MEGF11: variants seen among roughly 807,000 people sequenced by gnomAD.
MEGF11 encodes the protein multiple epidermal growth factor-like domains protein 11.
MEGF11 carries 126 observed loss-of-function variants against 146.6 expected under a neutral mutation model. That is an observed-to-expected ratio of 0.86 (90% CI 0.74 to 1.00). MEGF11 has a LOEUF of 1.00. MEGF11 is among the 50% of genes least tolerant of loss of function. The probability of loss-of-function intolerance (pLI) is 0.00; values close to 1 mark genes in which losing one functional copy is unlikely to be tolerated. For synonymous variants in MEGF11, 532 were observed against 583.4 expected (o/e 0.91, Z 1.27); for missense variants, 1,509 against 1,521.2 (o/e 0.99, Z 0.13).
In MEGF11 at chr15:65,897,432, G is replaced by A. The variant is rs2078378609; in HGVS notation, c.*502C>T. ...AGACAGATATGTACAGACATTTTAA[G>A]ACTGTTCTGTTTAAGAACAGTTCAT... On this transcript the variant is annotated 3_prime_UTR_variant, in exon 26 of 26. Coordinates refer to ENST00000395614, the MANE Select transcript of MEGF11 (RefSeq NM_001385028.1). The A allele has an allele frequency of 6.6e-6, 1 of 152,230 alleles. No homozygotes were observed. Among genetic ancestry groups the A allele is most frequent in the Admixed American group, 6.5e-5 (1 of 15,278 alleles). The allele number at this position is 152,230 out of a possible 1,614,324, so 9.4% of individuals were successfully genotyped here.
At chr15:66,064,552 T>G (rs923841945) in intron 5 of MEGF11, among the ~76,000 whole-genome samples, 1 of 152,022 alleles carries the variant, frequency 6.6e-6, no homozygotes, top group East Asian at 1.9e-4. Flanking sequence ...AGTTTCACTC[T>G]TGTTGCCCAG....
intron 10 of MEGF11, among the ~76,000 whole-genome samples, chr15:65,950,584 GAC>G (rs57977250): frequency 0.12 from 17,936 of 148,478 alleles, 1,102 homozygotes; most frequent in Middle Eastern, 0.16. Flanking sequence ...TAGACACACA[GAC>G]ACACACACAC....
At chr15:66,188,314 T>C (rs1354610968) in intron 1 of MEGF11, among the ~76,000 whole-genome samples, 1 of 151,416 alleles carries the variant, frequency 6.6e-6, no homozygotes, top group African/African-American at 2.4e-5. Flanking sequence ...TTCCTGTAAG[T>C]CTGAAATGAT....
At chr15:66,101,708 C>T (rs557988500) in intron 4 of MEGF11, among the ~76,000 whole-genome samples, 2 of 152,348 alleles carry the variant, frequency 1.3e-5, no homozygotes, top group South Asian at 4.1e-4. Context: ...TCCCTCTCCT[C>T]TCATCAGGGC....
chr15:66,027,188 G>A (rs1315905123), intron 5 of MEGF11, among the ~76,000 whole-genome samples: 11 of 152,172 alleles, frequency 7.2e-5, no homozygotes, highest in Non-Finnish European at 2.9e-5. Flanking sequence ...CTTCCAGACT[G>A]ATCAGCACAC....
At chr15:66,112,272 T>C (rs2087468045) in intron 4 of MEGF11, among the ~76,000 whole-genome samples, 1 of 151,672 alleles carries the variant, frequency 6.6e-6, no homozygotes. Context: ...AGGAATGGAA[T>C]TCATAATGAA....
intron 1 of MEGF11, among the ~76,000 whole-genome samples, chr15:66,250,494 T>TA (rs1180714047): frequency 1.3e-5 from 2 of 152,252 alleles, no homozygotes; most frequent in Admixed American, 1.3e-4. Flanking sequence ...TTCATTGCTG[T>TA]ATCCCAAGGG....
At chr15:65,898,596 C>T (rs1596806731) in intron 25 of MEGF11, 132 bp downstream of exon 25, 1 of 1,473,836 alleles carries the variant, frequency 6.8e-7, no homozygotes, top group Non-Finnish European at 9.0e-7. Context: ...GACAGTTCAC[C>T]TTAGAGATGC....
At chr15:65,962,899 C>T (rs2080914980) in intron 9 of MEGF11, among the ~76,000 whole-genome samples, 1 of 152,138 alleles carries the variant, frequency 6.6e-6, no homozygotes, top group Non-Finnish European at 1.5e-5. Flanking sequence ...AAACATGATA[C>T]GTTTTAAAGA....
At chr15:66,029,852 C>T (rs1033036692) in intron 5 of MEGF11, among the ~76,000 whole-genome samples, 1 of 152,210 alleles carries the variant, frequency 6.6e-6, no homozygotes, top group Non-Finnish European at 1.5e-5. Flanking sequence ...CTCCTCTAGG[C>T]TGAGCTGTCC....
intron 5 of MEGF11, among the ~76,000 whole-genome samples, chr15:66,029,542 T>C (rs1158703906): frequency 6.6e-6 from 1 of 152,206 alleles, no homozygotes; most frequent in Admixed American, 6.5e-5. Flanking sequence ...TGAAACCTCT[T>C]TACAGCAGGA....
intron 1 of MEGF11, among the ~76,000 whole-genome samples, chr15:66,143,413 C>G (rs1597119076): frequency 1.3e-5 from 2 of 152,206 alleles, no homozygotes; most frequent in East Asian, 3.9e-4. Flanking sequence ...CCGGAATCCA[C>G]CAGCCCCTCA....
intron 5 of MEGF11, among the ~76,000 whole-genome samples, chr15:66,027,163 T>C (rs1398984540): frequency 2.0e-5 from 3 of 152,072 alleles, no homozygotes; most frequent in Non-Finnish European, 4.4e-5. Context: ...GCAAGCTCAC[T>C]CAGAAACAAG....
intron 8 of MEGF11, among the ~76,000 whole-genome samples, chr15:65,966,530 C>T (rs2081104756): frequency 6.6e-6 from 1 of 152,172 alleles, no homozygotes; most frequent in Admixed American, 6.5e-5. Context: ...TATCTCCTCC[C>T]TGACTGCGGA....
At chr15:66,080,569 C>A (rs186271781) in intron 5 of MEGF11, among the ~76,000 whole-genome samples, 84 of 152,334 alleles carry the variant, frequency 5.5e-4, no homozygotes, top group African/African-American at 2.0e-3. Flanking sequence ...CCATTTGGTC[C>A]TGAACCCTGG....
chr15:66,160,007 C>T (rs941725538), intron 1 of MEGF11, among the ~76,000 whole-genome samples: 17 of 152,150 alleles, frequency 1.1e-4, no homozygotes, highest in African/African-American at 3.6e-4. Context: ...TGTGGTCGCT[C>T]CCTCTCCCCA....
At chr15:66,147,330 C>G (rs1375222692) in intron 1 of MEGF11, among the ~76,000 whole-genome samples, 1 of 152,238 alleles carries the variant, frequency 6.6e-6, no homozygotes, top group East Asian at 1.9e-4. Flanking sequence ...AAGCCATGCC[C>G]TTCATCCAGT....
chr15:66,092,783 G>A (rs532182705), intron 5 of MEGF11, among the ~76,000 whole-genome samples: 230 of 152,244 alleles, frequency 1.5e-3, no homozygotes, highest in African/African-American at 5.4e-3. Context: ...GGCCCCGGGG[G>A]ACCCAGGCTG....
chr15:66,189,592 G>C (rs935442013), intron 1 of MEGF11, among the ~76,000 whole-genome samples: 9 of 152,132 alleles, frequency 5.9e-5, no homozygotes, highest in African/African-American at 2.2e-4. Context: ...GACAATGAGA[G>C]GGGGCGCAGG....
Sources: gnomAD v4.1 joint callset for allele counts (sites outside exome capture counted in the v4.1 genomes callset) on GRCh38, gnomAD v4.1.1 for gene constraint, MANE v1.5 for transcripts, NCBI Gene and HGNC (gene_info 2026-07-23, HGNC 2026-07-21) for gene names.